The following DHRSX variants were observed in gnomAD, a reference collection of about 807,000 sequenced individuals.
DHRSX encodes dehydrogenase/reductase X-linked, also known as polyprenol dehydrogenase.
A neutral mutation model predicts 34.0 loss-of-function variants in DHRSX; 31 were observed. The ratio of observed to expected loss-of-function variants is 0.91; its 90% confidence interval spans 0.69 to 1.23. DHRSX has a LOEUF of 1.23. DHRSX is among the 50% of genes most tolerant of loss of function. DHRSX has a pLI of 0.00. For missense variants in DHRSX, 414 were observed against 428.1 expected (o/e 0.97, Z 0.29); for synonymous variants, 201 against 183.8 (o/e 1.09, Z -0.76).
At chrX:2,283,761 C>CCATT (rs1349479018) in intron 4 of DHRSX, among the ~76,000 whole-genome samples, 2 of 152,182 alleles carry the variant, frequency 1.3e-5, no homozygotes, top group African/African-American at 4.8e-5. Flanking sequence ...TCATTTGATT[C>CCATT]CATTCATTCA....
chrX:2,283,636 G>C (rs368898134), intron 4 of DHRSX, among the ~76,000 whole-genome samples: 103 of 152,210 alleles, frequency 6.8e-4, no homozygotes, highest in African/African-American at 2.3e-3. Flanking sequence ...GTCTTCTGTT[G>C]ATGCAGAACT....
intron 5 of DHRSX, among the ~76,000 whole-genome samples, chrX:2,266,169 G>T: frequency 7.2e-6 from 1 of 138,126 alleles, no homozygotes; most frequent in Middle Eastern, 5.6e-3. Flanking sequence ...TACAGCAGAT[G>T]CAGGGAGCAC....
At chrX:2,294,415 A>G (rs1325332886) in intron 3 of DHRSX, among the ~76,000 whole-genome samples, 6 of 152,214 alleles carry the variant, frequency 3.9e-5, no homozygotes, top group African/African-American at 7.2e-5. Flanking sequence ...GTGGTGGTGC[A>G]CACCTGTAAT....
chrX:2,423,745 C>G (rs1243933296), intron 2 of DHRSX, among the ~76,000 whole-genome samples: 1 of 152,160 alleles, frequency 6.6e-6, no homozygotes, highest in African/African-American at 2.4e-5. Flanking sequence ...TCCCCGCCCC[C>G]CACTCCGTCT....
At chrX:2,450,929 T>TA (rs1242962953) in intron 1 of DHRSX, among the ~76,000 whole-genome samples, 1 of 151,902 alleles carries the variant, frequency 6.6e-6, no homozygotes, top group East Asian at 1.9e-4. Context: ...AGTGTCCTTA[T>TA]AAAAGGGACC....
At chrX:2,485,658 AT>A (rs1179853327) in intron 1 of DHRSX, among the ~76,000 whole-genome samples, 2 of 43,706 alleles carry the variant, frequency 4.6e-5, no homozygotes, top group South Asian at 1.2e-3. Context: ...GGAGGGAGGG[AT>A]GGGGGAAGGA....
At chrX:2,255,185 G>A (rs1220041504) in intron 5 of DHRSX, among the ~76,000 whole-genome samples, 4 of 152,092 alleles carry the variant, frequency 2.6e-5, no homozygotes, top group South Asian at 2.1e-4. Context: ...GGATGGTGTC[G>A]ATCTCAAAGA....
intron 3 of DHRSX, chrX:2,334,745 C>A (rs1481597137): frequency 1.3e-5 from 2 of 152,110 alleles, no homozygotes; most frequent in Non-Finnish European, 2.9e-5. Context: ...GTTTCTTTGA[C>A]TTTAATATTT....
chrX:2,422,040 T>C (rs1206626772), intron 2 of DHRSX, among the ~76,000 whole-genome samples: 1 of 152,194 alleles, frequency 6.6e-6, no homozygotes, highest in African/African-American at 2.4e-5. Context: ...CATGCTCTTA[T>C]GCTTGAGCCT....
intron 1 of DHRSX, among the ~76,000 whole-genome samples, chrX:2,428,470 G>A (rs1434051920): frequency 1.3e-5 from 2 of 152,088 alleles, no homozygotes; most frequent in Admixed American, 1.3e-4. Context: ...GTCCTTTGCA[G>A]GGACATGGAT....
chrX:2,244,048 G>A (rs1454030291), intron 5 of DHRSX, among the ~76,000 whole-genome samples: 1 of 151,970 alleles, frequency 6.6e-6, no homozygotes, highest in African/African-American at 2.4e-5. Context: ...TGGGATGACA[G>A]GCATGAGCCA....
chrX:2,482,076 C>T (rs747806320), intron 1 of DHRSX, among the ~76,000 whole-genome samples: 5 of 150,510 alleles, frequency 3.3e-5, no homozygotes, highest in African/African-American at 9.8e-5. Context: ...AGCGATCCTT[C>T]AGCCTCAGCC....
At chrX:2,425,437 G>T in intron 1 of DHRSX, 133 bp from the exon 2 acceptor site, 3 of 773,958 alleles carry the variant, frequency 3.9e-6, no homozygotes, top group South Asian at 1.7e-5. Context: ...TGTTCCTCTT[G>T]AATTCCCACA....
chrX:2,463,742 T>C (rs760893947), intron 1 of DHRSX, among the ~76,000 whole-genome samples: 1 of 152,228 alleles, frequency 6.6e-6, no homozygotes, highest in South Asian at 2.1e-4. Flanking sequence ...TCTCTCACTG[T>C]GCCTGGGACA....
intron 1 of DHRSX, among the ~76,000 whole-genome samples, chrX:2,469,373 C>T (rs1241728388): frequency 6.6e-6 from 1 of 150,540 alleles, no homozygotes; most frequent in Non-Finnish European, 1.5e-5. Context: ...GCCAAGGGAC[C>T]GCCGCCATGT....
At chrX:2,483,789 C>CAA (rs111577835) in intron 1 of DHRSX, among the ~76,000 whole-genome samples, 4 of 110,402 alleles carry the variant, frequency 3.6e-5, no homozygotes, top group Admixed American at 9.2e-5. Context: ...GAAAAAGTGG[C>CAA]AAAAAAAAAA....
chrX:2,489,469 G>T (rs914619202), intron 1 of DHRSX: 1 of 1,613,742 alleles, frequency 6.2e-7, no homozygotes, highest in Non-Finnish European at 8.5e-7. Context: ...TGCTGATGGT[G>T]GGGTACCTGG....
chrX:2,401,108 CTT>C (rs35151918), intron 3 of DHRSX, among the ~76,000 whole-genome samples: 69,263 of 128,406 alleles, frequency 0.54, 19,055 homozygotes, highest in African/African-American at 0.74. Flanking sequence ...ATTTGGGAAG[CTT>C]TTTTTTTTTT....
chrX:2,243,793 T>TGTTTTGTTTTG (rs1569478858), intron 5 of DHRSX, among the ~76,000 whole-genome samples: 2 of 33,568 alleles, frequency 6.0e-5, no homozygotes, highest in Non-Finnish European at 1.1e-4. Context: ...TCCCTGTTTT[T>TGTTTTGTTTTG]TTTTTTTTTT....
Sources: gnomAD v4.1 joint callset for allele counts (sites outside exome capture counted in the v4.1 genomes callset) on GRCh38, gnomAD v4.1.1 for gene constraint, MANE v1.5 for transcripts, NCBI Gene and HGNC (gene_info 2026-07-23, HGNC 2026-07-21) for gene names.